Variants in MYLK observed in about 807,000 individuals in gnomAD.
MYLK encodes the protein myosin light chain kinase, smooth muscle.
MYLK carries 106 observed loss-of-function variants against 203.4 expected under a neutral mutation model. The ratio of observed to expected loss-of-function variants is 0.52; its 90% CI spans 0.45 to 0.61. MYLK has a LOEUF of 0.61. Among genes scored for constraint, MYLK ranks in the 20% least tolerant of loss-of-function variants. The pLI is 0.00. For missense variants in MYLK, 2,072 were observed against 2,442.3 expected (o/e 0.85, Z 3.20); for synonymous variants, 867 against 959.5 (o/e 0.90, Z 1.78).
intron 2 of MYLK, among the ~76,000 whole-genome samples, chr3:123,852,518 G>A (rs560834468): frequency 6.6e-6 from 1 of 152,330 alleles, no homozygotes; most frequent in East Asian, 1.9e-4. Flanking sequence ...TATTTGTGTA[G>A]AGGTGTTTAT....
At chr3:123,824,530 T>C (rs1245443713) in intron 3 of MYLK, among the ~76,000 whole-genome samples, 7 of 152,222 alleles carry the variant, frequency 4.6e-5, no homozygotes, top group Non-Finnish European at 1.0e-4. Context: ...CCTGGTAGAA[T>C]GTCATGTCAT....
At chr3:123,722,342 G>A (rs1271108573) in intron 12 of MYLK, 62 bp from the exon 13 acceptor site, 117 of 1,468,146 alleles carry the variant, frequency 8.0e-5, no homozygotes, top group Non-Finnish European at 1.1e-4. Flanking sequence ...CGGGAGCCCT[G>A]TCCTCAGCAG....
chr3:123,782,296 G>A (rs190966525), intron 4 of MYLK, among the ~76,000 whole-genome samples: 154 of 152,298 alleles, frequency 1.0e-3, no homozygotes, highest in Admixed American at 1.6e-3. Context: ...AGGTAGAAGA[G>A]CTAGAAAAGG....
At chr3:123,806,911 C>T (rs1178288260) in intron 3 of MYLK, among the ~76,000 whole-genome samples, 1 of 151,920 alleles carries the variant, frequency 6.6e-6, no homozygotes, top group Non-Finnish European at 1.5e-5. Context: ...GTGATCCACC[C>T]ACCTCGGCCT....
At position 123,678,625 on chromosome 3, in the gene MYLK, AG is replaced by A. The variant is rs368198607; in HGVS notation, c.3652+3598del. On this transcript the variant is annotated intron_variant, in intron 20 of 33. Transcript: ENST00000360304. ...TTCCCTCTTAGACTAGGTACTTCTC[AG>A]CCCTTGACACAGAGGAACACACACA... 6.4e-4 allele frequency among the ~76,000 whole-genome samples: 98 copies of A among 152,112 alleles called. 1 individual carries two copies. In the South Asian group the frequency reaches 0.02, roughly 31 times the overall value.
intron 5 of MYLK, among the ~76,000 whole-genome samples, 185 bp downstream of exon 5, chr3:123,752,144 GGA>G (rs1282273880): frequency 2.0e-5 from 3 of 151,960 alleles, no homozygotes; most frequent in African/African-American, 7.3e-5. Context: ...ATCATCTCCT[GGA>G]TGCCTCCCTT....
At chr3:123,632,579 C>T (rs1362096579) in intron 29 of MYLK, among the ~76,000 whole-genome samples, 1 of 152,156 alleles carries the variant, frequency 6.6e-6, no homozygotes, top group Non-Finnish European at 1.5e-5. Flanking sequence ...ATACTCTCCT[C>T]ACCCTGCCTG....
intron 3 of MYLK, among the ~76,000 whole-genome samples, chr3:123,810,592 G>T (rs1333027102): frequency 6.6e-6 from 1 of 152,206 alleles, no homozygotes; most frequent in Non-Finnish European, 1.5e-5. Context: ...TGCCAGTCAT[G>T]TCTCTTCTAG....
chr3:123,759,012 A>G (rs2063449843), intron 4 of MYLK, among the ~76,000 whole-genome samples: 1 of 152,116 alleles, frequency 6.6e-6, no homozygotes, highest in Non-Finnish European at 1.5e-5. Flanking sequence ...TTTTGTAGAA[A>G]TGGGGTCTTT....
chr3:123,701,543 G>T, intron 16 of MYLK, 34 bp from the exon 17 acceptor site: 1 of 1,607,532 alleles, frequency 6.2e-7, no homozygotes, highest in East Asian at 2.2e-5. Context: ...AAGATCAAGA[G>T]GCCCTCTGGG....
rs372248141 is a variant in MYLK, at chr3:123,704,090, C to A, written c.2391-2581G>T. Reference sequence around the variant, plus strand: ...AGACAAGCCTCTCAAGGGCTCCTGTCCAATCCAGCCCCAGGCCTTACCCTG... The same window carrying A: ...AGACAAGCCTCTCAAGGGCTCCTGTACAATCCAGCCCCAGGCCTTACCCTG... On this transcript the variant is annotated intron_variant, in intron 16 of 33. Coordinates refer to ENST00000360304, the MANE Select transcript of MYLK (RefSeq NM_053025.4). Among the ~76,000 whole-genome samples, 4 of 152,228 alleles carry A rather than the reference C, an allele frequency of 2.6e-5. No homozygotes were observed. The South Asian group carries it at 8.3e-4, about 31-fold the overall frequency.
chr3:123,714,081 T>C (rs2061808445), intron 13 of MYLK, among the ~76,000 whole-genome samples: 1 of 152,184 alleles, frequency 6.6e-6, no homozygotes, highest in Admixed American at 6.5e-5. Context: ...GTAACGATGA[T>C]TCCTTATAAA....
At chr3:123,866,591 C>G (rs1164064770) in intron 2 of MYLK, among the ~76,000 whole-genome samples, 3 of 152,038 alleles carry the variant, frequency 2.0e-5, no homozygotes, top group Non-Finnish European at 4.4e-5. Flanking sequence ...CATGAAATAT[C>G]AGGATGAGGT....
chr3:123,865,168 A>G (rs575737469), intron 2 of MYLK, among the ~76,000 whole-genome samples: 1 of 152,302 alleles, frequency 6.6e-6, no homozygotes, highest in South Asian at 2.1e-4. Flanking sequence ...ACAATATTTG[A>G]TGACTCTTCA....
chr3:123,626,977 G>A (rs956619254), intron 30 of MYLK, 36 bp from the exon 31 acceptor site: 2 of 1,613,284 alleles, frequency 1.2e-6, no homozygotes, highest in African/African-American at 1.3e-5. Flanking sequence ...TTTTGAGCAG[G>A]AGGAGACCTC....
chr3:123,861,878 G>A (rs1402879250), intron 2 of MYLK, among the ~76,000 whole-genome samples: 1 of 152,154 alleles, frequency 6.6e-6, no homozygotes, highest in Non-Finnish European at 1.5e-5. Context: ...TCAAAACCAG[G>A]GATAGACATG....
chr3:123,829,213 T>C (rs1000531596), intron 3 of MYLK, among the ~76,000 whole-genome samples: 11 of 152,038 alleles, frequency 7.2e-5, no homozygotes, highest in African/African-American at 2.2e-4. Context: ...AGAAGATGAA[T>C]GGATAAATAA....
At chr3:123,711,535 G>C (rs993286468) in intron 13 of MYLK, among the ~76,000 whole-genome samples, 1 of 152,216 alleles carries the variant, frequency 6.6e-6, no homozygotes, top group Non-Finnish European at 1.5e-5. Context: ...AGGAGCTGAA[G>C]GGGAGGGGAC....
intron 18 of MYLK, among the ~76,000 whole-genome samples, chr3:123,698,307 G>T (rs528040582): frequency 1.3e-5 from 2 of 152,322 alleles, no homozygotes; most frequent in Admixed American, 1.3e-4. Flanking sequence ...GATGCGAACT[G>T]CAAGAGAGGC....
Sources: gnomAD v4.1 joint callset for allele counts (sites outside exome capture counted in the v4.1 genomes callset) on GRCh38, gnomAD v4.1.1 for gene constraint, MANE v1.5 for transcripts, NCBI Gene and HGNC (gene_info 2026-07-23, HGNC 2026-07-21) for gene names.